The following PACRG variants were observed in gnomAD, a reference collection of about 807,000 sequenced individuals.
PACRG encodes the protein parkin coregulated gene protein.
PACRG carries 29 observed loss-of-function variants against 29.7 expected under a neutral mutation model. That is an observed-to-expected ratio of 0.98 (90% CI 0.73 to 1.33). The LOEUF is 1.33. Among genes scored for constraint, PACRG ranks in the 40% most tolerant of loss-of-function variants. PACRG has a pLI of 0.00. For missense variants in PACRG, 279 were observed against 316.2 expected, an observed-to-expected ratio of 0.88 and a Z score of 0.89; for synonymous variants, 116 against 118.7, an observed-to-expected ratio of 0.98 and a Z score of 0.15.
At chr6:163,272,354 C>T (rs1783863936) in intron 4 of PACRG, among the ~76,000 whole-genome samples, 1 of 152,090 alleles carries the variant, frequency 6.6e-6, no homozygotes, top group Admixed American at 6.5e-5. Flanking sequence ...TAATTTTCAA[C>T]CCTACTACCT....
At chr6:163,266,985 T>A (rs1375634505) in intron 4 of PACRG, among the ~76,000 whole-genome samples, 1 of 152,166 alleles carries the variant, frequency 6.6e-6, no homozygotes, top group Non-Finnish European at 1.5e-5. Context: ...GGAAGCTGCG[T>A]GCCCAGAGCC....
chr6:163,196,281 C>T (rs928586852), intron 4 of PACRG, among the ~76,000 whole-genome samples: 6 of 152,344 alleles, frequency 3.9e-5, no homozygotes, highest in African/African-American at 1.4e-4. Context: ...TCTGTTGTCC[C>T]TGCTAATGAC....
intron 1 of PACRG, among the ~76,000 whole-genome samples, chr6:162,756,254 C>G (rs1395455570): frequency 2.6e-5 from 4 of 152,146 alleles, no homozygotes; most frequent in African/African-American, 4.8e-5. Flanking sequence ...TTAAGGTCCT[C>G]TACTATTATA....
intron 2 of PACRG, among the ~76,000 whole-genome samples, chr6:162,924,392 G>A (rs555884570): frequency 1.4e-4 from 22 of 151,828 alleles, no homozygotes; most frequent in Admixed American, 5.9e-4. Context: ...TTTATCTTGC[G>A]TAATTGCTCT....
At chr6:162,819,138 T>C (rs999888414) in intron 2 of PACRG, among the ~76,000 whole-genome samples, 9 of 152,126 alleles carry the variant, frequency 5.9e-5, no homozygotes, top group African/African-American at 2.2e-4. Flanking sequence ...CCACCTATAT[T>C]GAAATGAATA....
intron 4 of PACRG, among the ~76,000 whole-genome samples, chr6:163,092,565 A>G (rs973399104): frequency 6.6e-6 from 1 of 152,238 alleles, no homozygotes; most frequent in Non-Finnish European, 1.5e-5. Context: ...TGAGATGTGA[A>G]TGGTAGTGTA....
At chr6:163,064,373 G>A (rs765802429) in intron 3 of PACRG, among the ~76,000 whole-genome samples, 6 of 152,178 alleles carry the variant, frequency 3.9e-5, no homozygotes, top group Non-Finnish European at 8.8e-5. Context: ...GCCGATGAGC[G>A]AAAACGTTAT....
intron 4 of PACRG, among the ~76,000 whole-genome samples, chr6:163,137,930 C>T (rs569840289): frequency 2.0e-5 from 3 of 152,356 alleles, no homozygotes; most frequent in South Asian, 4.1e-4. Context: ...CTGCAAGGGG[C>T]ATGGTACTGA....
chr6:162,806,793 C>T (rs918630200), intron 1 of PACRG, among the ~76,000 whole-genome samples: 1 of 152,164 alleles, frequency 6.6e-6, no homozygotes, highest in Admixed American at 6.5e-5. Context: ...TCACCAGCTG[C>T]GTTAGCCCCT....
At chr6:162,886,956 G>GT (rs1794389669) in intron 2 of PACRG, among the ~76,000 whole-genome samples, 1 of 152,298 alleles carries the variant, frequency 6.6e-6, no homozygotes, top group South Asian at 2.1e-4. Context: ...TGCCCAGGCT[G>GT]GAGTACAGTG....
rs1782647843 is a variant in PACRG, at chr6:163,245,218, T to TCTATAAACATTAGTAATA, written c.614-69609_614-69608insCTATAAACATTAGTAATA. The TCTATAAACATTAGTAATA allele has an allele frequency of 3.7e-5, 9 of 246,218 alleles. No homozygotes were observed. The South Asian group carries it at 4.2e-4, about 11-fold the overall frequency. The allele number at this position is 246,218 out of a possible 1,614,324, so 15.3% of individuals were successfully genotyped here. ...ACGTACATTTAGTAATAGTTTATTATGGCTTTATCTTTTAAAGTCTACTTT... is the reference window on the plus strand; with the variant it reads ...ACGTACATTTAGTAATAGTTTATTATCTATAAACATTAGTAATAGGCTTTATCTTTTAAAGTCTACTTT... On this transcript the variant is annotated intron_variant, in intron 4 of 4. Coordinates refer to ENST00000366888, the MANE Select transcript of PACRG (RefSeq NM_001080379.2).
intron 2 of PACRG, among the ~76,000 whole-genome samples, chr6:162,854,311 A>AT (rs1791188405): frequency 6.9e-6 from 1 of 145,048 alleles, no homozygotes; most frequent in Admixed American, 7.1e-5. Flanking sequence ...GTGAAAGTCC[A>AT]TGAGTAGCTA....
At chr6:163,159,421 G>T (rs188595714) in intron 4 of PACRG, among the ~76,000 whole-genome samples, 2 of 151,534 alleles carry the variant, frequency 1.3e-5, no homozygotes, top group East Asian at 3.9e-4. Context: ...AAATTCATGT[G>T]CTGTAAAGGA....
chr6:162,783,320 C>T (rs1030127243), intron 1 of PACRG, among the ~76,000 whole-genome samples: 2 of 151,910 alleles, frequency 1.3e-5, no homozygotes, highest in Non-Finnish European at 2.9e-5. Context: ...AAAATACATT[C>T]AAGTGTTAGT....
At chr6:163,268,399 C>CG (rs1783615155) in intron 4 of PACRG, among the ~76,000 whole-genome samples, 1 of 87,476 alleles carries the variant, frequency 1.1e-5, no homozygotes, top group Non-Finnish European at 2.8e-5. Context: ...GAGACTGTCT[C>CG]AAAGAAAAAA....
chr6:162,801,857 CTG>C (rs1184361376), intron 1 of PACRG, among the ~76,000 whole-genome samples: 1 of 152,004 alleles, frequency 6.6e-6, no homozygotes, highest in Non-Finnish European at 1.5e-5. Context: ...TCTGATTTAA[CTG>C]TTAACTACAA....
chr6:162,744,715 T>G (rs1415928104), intron 1 of PACRG, among the ~76,000 whole-genome samples: 1 of 152,174 alleles, frequency 6.6e-6, no homozygotes, highest in Admixed American at 6.5e-5. Flanking sequence ...ATATCCCTAT[T>G]TAGTAATCCA....
chr6:162,878,262 GAT>G (rs1392117514), intron 2 of PACRG, among the ~76,000 whole-genome samples: 1 of 152,018 alleles, frequency 6.6e-6, no homozygotes, highest in Non-Finnish European at 1.5e-5. Flanking sequence ...ACAGAAATGA[GAT>G]ATTAAATTAT....
intron 2 of PACRG, among the ~76,000 whole-genome samples, chr6:162,950,005 A>G (rs1278477502): frequency 6.6e-6 from 1 of 152,198 alleles, no homozygotes; most frequent in East Asian, 1.9e-4. Flanking sequence ...TGATCCTGAA[A>G]GAAGTTTTGA....
Sources: allele counts gnomAD v4.1 joint callset (sites outside exome capture counted in the v4.1 genomes callset), GRCh38; gene constraint gnomAD v4.1.1; transcripts MANE v1.5; gene names NCBI Gene and HGNC (gene_info 2026-07-23, HGNC 2026-07-21).